The following RALGAPA2 variants were observed in gnomAD, a reference collection of about 807,000 sequenced individuals.
RALGAPA2 encodes ral GTPase-activating protein subunit alpha-2.
RALGAPA2 carries 139 observed loss-of-function variants against 230.4 expected under a neutral mutation model. The observed-to-expected ratio is 0.60, with a 90% CI of 0.53 to 0.69. RALGAPA2 has a LOEUF of 0.69. RALGAPA2 is among the 30% of genes least tolerant of loss of function. The pLI is 0.00. For synonymous variants in RALGAPA2, 847 were observed against 837.8 expected, an observed-to-expected ratio of 1.01 and a Z score of -0.19; for missense variants, 2,163 against 2,276.0, an observed-to-expected ratio of 0.95 and a Z score of 1.01.
intron 37 of RALGAPA2, among the ~76,000 whole-genome samples, chr20:20,449,269 C>A (rs140123147): frequency 6.6e-6 from 1 of 152,280 alleles, no homozygotes; most frequent in African/African-American, 2.4e-5. Flanking sequence ...ATGGAAGCAC[C>A]TAGTACACAG....
chr20:20,420,130 C>G (rs533440075), intron 37 of RALGAPA2, among the ~76,000 whole-genome samples: 2 of 152,216 alleles, frequency 1.3e-5, no homozygotes, highest in Admixed American at 6.5e-5. Flanking sequence ...ACAGAGAATG[C>G]CATGAGCGGG....
At chr20:20,428,416 A>G (rs897491696) in intron 37 of RALGAPA2, among the ~76,000 whole-genome samples, 3 of 152,216 alleles carry the variant, frequency 2.0e-5, no homozygotes, top group Non-Finnish European at 4.4e-5. Flanking sequence ...AAAAATAGCC[A>G]AATTGAATTC....
chr20:20,484,176 A>G (rs2061847973), intron 36 of RALGAPA2, among the ~76,000 whole-genome samples: 1 of 152,278 alleles, frequency 6.6e-6, no homozygotes, highest in South Asian at 2.1e-4. Context: ...ATATTGTACC[A>G]AAAGACAGTA....
chr20:20,563,027 G>C (rs948714587), intron 23 of RALGAPA2, among the ~76,000 whole-genome samples: 3 of 152,146 alleles, frequency 2.0e-5, no homozygotes, highest in African/African-American at 7.2e-5. Context: ...CTACCTGATG[G>C]TGTAACGTTA....
chr20:20,453,283 GTTC>G (rs2061032192), intron 37 of RALGAPA2, among the ~76,000 whole-genome samples: 1 of 152,130 alleles, frequency 6.6e-6, no homozygotes, highest in African/African-American at 2.4e-5. Flanking sequence ...TCCTGGTCTT[GTTC>G]TTCTCACACA....
rs555924518 is a variant in RALGAPA2, at chr20:20,553,903, T to C, written c.3157-7071A>G. On this transcript the variant is annotated intron_variant, in intron 23 of 39. Coordinates refer to ENST00000202677, the MANE Select transcript of RALGAPA2 (RefSeq NM_020343.4). ...AAAATGTGGTATATAGATTTACTTATTTAAGGAACAATGTACATGAATTTT... is the reference window on the plus strand; with the variant it reads ...AAAATGTGGTATATAGATTTACTTACTTAAGGAACAATGTACATGAATTTT... Among the ~76,000 whole-genome samples the C allele has an allele frequency of 3.6e-3, 546 of 152,342 alleles. 1 individual carries two copies. The highest frequency in any genetic ancestry group is 6.0e-3 in the Non-Finnish European group (410 of 68,036).
intron 37 of RALGAPA2, among the ~76,000 whole-genome samples, chr20:20,434,582 G>GT (rs2060568564): frequency 1.3e-5 from 2 of 152,152 alleles, no homozygotes; most frequent in Non-Finnish European, 2.9e-5. Context: ...CATGGGATGT[G>GT]TTTGTTTTAA....
intron 5 of RALGAPA2, among the ~76,000 whole-genome samples, chr20:20,641,545 T>A (rs2067030617): frequency 6.6e-6 from 1 of 152,176 alleles, no homozygotes; most frequent in East Asian, 1.9e-4. Flanking sequence ...GTAGGAGACA[T>A]CTACATAGGG....
chr20:20,499,324 A>T (rs933792440), intron 35 of RALGAPA2, among the ~76,000 whole-genome samples: 9 of 152,194 alleles, frequency 5.9e-5, no homozygotes, highest in Admixed American at 1.3e-4. Context: ...GTCTTTTCTC[A>T]AAAAAGAAAA....
chr20:20,396,775 A>T (rs748986340), intron 38 of RALGAPA2, 41 bp from the exon 39 acceptor site: 52 of 1,379,776 alleles, frequency 3.8e-5, no homozygotes, highest in Non-Finnish European at 5.2e-5. Context: ...TACAAACACA[A>T]CACCCCCACA....
chr20:20,589,267 C>T lies in RALGAPA2; in HGVS notation c.2439+1G>A. 6.4e-7 allele frequency: 1 copy of T among 1,558,594 alleles called. No individual in the cohort carries two copies. The highest frequency in any genetic ancestry group is 8.7e-7 in the Non-Finnish European group (1 of 1,150,236). On this transcript the variant is annotated splice_donor_variant, in intron 18 of 39. Transcript: ENST00000202677. LOFTEE classifies it high-confidence loss of function. ...ACTGAAATGGCTTGAAAATATCTTA[C>T]TGTTATTCCTTCATGTTCTCTCTTC...
Position 20,712,625 on chromosome 20 carries a change from G to A in RALGAPA2, c.-145C>T, listed in dbSNP as rs937153181. The A allele has an allele frequency of 4.2e-6, 5 of 1,185,818 alleles. No homozygotes were observed. The highest frequency in any genetic ancestry group is 5.2e-6 in the Non-Finnish European group (5 of 953,990). 73.5% of individuals were successfully genotyped at this position (1,185,818 alleles called of 1,614,324 possible). ...TGCTGCCGCCGCCGCCGCCGCCGCC[G>A]CCGCCTCAGCTGTGTCTCCAGGAAG... On this transcript the variant is annotated 5_prime_UTR_variant, in exon 1 of 40. Coordinates refer to ENST00000202677, the MANE Select transcript of RALGAPA2 (RefSeq NM_020343.4). This position sits in a 1 kb window ranked among gnomAD's most constrained non-coding sequence, Gnocchi z 5.5.
At chr20:20,509,327 T>C (rs2062631269) in intron 33 of RALGAPA2, among the ~76,000 whole-genome samples, 1 of 152,218 alleles carries the variant, frequency 6.6e-6, no homozygotes, top group South Asian at 2.1e-4. Flanking sequence ...TCAAATCTTT[T>C]ACTGTCTCAC....
chr20:20,639,269 G>A (rs1052440395), intron 7 of RALGAPA2, among the ~76,000 whole-genome samples: 2 of 152,228 alleles, frequency 1.3e-5, no homozygotes, highest in Non-Finnish European at 2.9e-5. Flanking sequence ...AAAAGAATCA[G>A]TACATTTTAT....
At chr20:20,527,391 C>G (rs968378752) in intron 27 of RALGAPA2, among the ~76,000 whole-genome samples, 8 of 152,184 alleles carry the variant, frequency 5.3e-5, no homozygotes, top group African/African-American at 1.9e-4. Context: ...CCACAGAGAC[C>G]TCACATCCCA....
At chr20:20,394,889 C>CAAAAAAAAAAAAAAAAAAAAAAAG (rs10673778) in intron 39 of RALGAPA2, among the ~76,000 whole-genome samples, 2 of 44,648 alleles carry the variant, frequency 4.5e-5, no homozygotes, top group African/African-American at 1.8e-4. Flanking sequence ...AATAAATAAG[C>CAAAAAAAAAAAAAAAAAAAAAAAG]AAAAAAAAAA....
intron 23 of RALGAPA2, among the ~76,000 whole-genome samples, chr20:20,555,311 T>C (rs1488184398): frequency 6.6e-6 from 1 of 152,228 alleles, no homozygotes; most frequent in East Asian, 1.9e-4. Flanking sequence ...GACCACACTG[T>C]TTGGATTACT....
chr20:20,524,935 ATTTGTAAGCC>A (rs1232834143), intron 28 of RALGAPA2, 37 bp from the exon 29 acceptor site: 2 of 1,555,898 alleles, frequency 1.3e-6, no homozygotes, highest in South Asian at 1.2e-5. Flanking sequence ...AACAGACCAT[ATTTGTAAGCC>A]TTTGTAAGCC....
Position 20,437,286 on chromosome 20 carries a change from G to T in RALGAPA2, c.5496-25138C>A, listed in dbSNP as rs944200855. ...GACTCTGCACCCTCTGACATGCCAC[G>T]TCTCATCTGGCCACAAATCCCCATC... On this transcript the variant is annotated intron_variant, in intron 37 of 39. Coordinates refer to ENST00000202677, the MANE Select transcript of RALGAPA2 (RefSeq NM_020343.4). The surrounding 1 kb of genome is among the most constrained non-coding windows in gnomAD (Gnocchi z 4.1). Among the ~76,000 whole-genome samples the T allele has an allele frequency of 1.3e-5, 2 of 152,092 alleles. No individual in the cohort carries two copies. The highest frequency in any genetic ancestry group is 2.9e-5 in the Non-Finnish European group (2 of 68,022).
Sources: gnomAD v4.1 joint callset for allele counts (sites outside exome capture counted in the v4.1 genomes callset) on GRCh38, gnomAD v4.1.1 for gene constraint, Gnocchi (gnomAD v3.1) non-coding constraint, MANE v1.5 for transcripts, NCBI Gene and HGNC (gene_info 2026-07-23, HGNC 2026-07-21) for gene names.